LCLAT1: variants seen among roughly 807,000 people sequenced by gnomAD.
LCLAT1 encodes the protein lysocardiolipin acyltransferase 1, also known as 1-AGP acyltransferase 8.
LCLAT1 carries 11 observed loss-of-function variants against 30.7 expected under a neutral mutation model. The ratio of observed to expected loss-of-function variants is 0.36; its 90% CI spans 0.23 to 0.59. The LOEUF (loss-of-function observed/expected upper bound fraction) is 0.59. Among genes scored for constraint, LCLAT1 ranks in the 20% least tolerant of loss-of-function variants. LCLAT1 has a pLI of 0.77. For missense variants in LCLAT1, 402 were observed against 458.6 expected, an observed-to-expected ratio of 0.88 and a Z score of 1.13; for synonymous variants, 155 against 151.3, an observed-to-expected ratio of 1.02 and a Z score of -0.18.
intron 5 of LCLAT1, among the ~76,000 whole-genome samples, chr2:30,592,156 A>G (rs1189271333): frequency 6.6e-6 from 1 of 152,150 alleles, no homozygotes; most frequent in Non-Finnish European, 1.5e-5. Flanking sequence ...TCCAACATGC[A>G]CCTTTGAAAG....
chr2:30,572,112 A>T (rs1332925740), intron 5 of LCLAT1, among the ~76,000 whole-genome samples: 1 of 152,306 alleles, frequency 6.6e-6, no homozygotes, highest in East Asian at 1.9e-4. Flanking sequence ...TTCAAATGCC[A>T]TGGTATCGCT....
At chr2:30,506,568 A>G (rs779811763) in intron 1 of LCLAT1, among the ~76,000 whole-genome samples, 1 of 152,186 alleles carries the variant, frequency 6.6e-6, no homozygotes, top group Non-Finnish European at 1.5e-5. Context: ...GGAGAAAGAG[A>G]TAGTAATAGC....
intron 3 of LCLAT1, among the ~76,000 whole-genome samples, chr2:30,559,367 A>C (rs917735271): frequency 1.3e-5 from 2 of 152,206 alleles, no homozygotes; most frequent in Non-Finnish European, 2.9e-5. Context: ...TGTTTAAAAA[A>C]CACCAACTCA....
At chr2:30,582,405 A>G (rs75078072) in intron 5 of LCLAT1, among the ~76,000 whole-genome samples, 12,027 of 152,238 alleles carry the variant, frequency 0.079, 843 homozygotes, top group African/African-American at 0.19. Context: ...ATGAGGATAT[A>G]TAACTCCTCT....
At chr2:30,466,958 A>G (rs1475571821) in intron 1 of LCLAT1, among the ~76,000 whole-genome samples, 2 of 152,194 alleles carry the variant, frequency 1.3e-5, no homozygotes, top group African/African-American at 4.8e-5. Context: ...TTTAAATTAT[A>G]CTTTAAGTTC....
chr2:30,527,213 G>A (rs1410232929), intron 2 of LCLAT1, among the ~76,000 whole-genome samples: 1 of 152,092 alleles, frequency 6.6e-6, no homozygotes, highest in Admixed American at 6.6e-5. Context: ...CTGTTTTCAT[G>A]TCATTTATGT....
intron 5 of LCLAT1, among the ~76,000 whole-genome samples, chr2:30,595,727 T>TATCA (rs759529167): frequency 1.3e-5 from 2 of 152,182 alleles, no homozygotes; most frequent in African/African-American, 2.4e-5. Context: ...TTGCTGCACC[T>TATCA]ATCAACCCAT....
chr2:30,481,042 C>T (rs1558465703), intron 1 of LCLAT1, among the ~76,000 whole-genome samples: 1 of 152,094 alleles, frequency 6.6e-6, no homozygotes, highest in Non-Finnish European at 1.5e-5. Flanking sequence ...ATTAAGCTGA[C>T]ACCTAAAACC....
At chr2:30,458,179 T>C (rs1681928684) in intron 1 of LCLAT1, among the ~76,000 whole-genome samples, 1 of 152,230 alleles carries the variant, frequency 6.6e-6, no homozygotes, top group Middle Eastern at 3.2e-3. Context: ...TGCAGTGACC[T>C]TGCTGCTCTG....
intron 5 of LCLAT1, among the ~76,000 whole-genome samples, chr2:30,627,309 A>G (rs1192876385): frequency 6.6e-6 from 1 of 152,046 alleles, no homozygotes; most frequent in Non-Finnish European, 1.5e-5. Flanking sequence ...CCTAAGTCTC[A>G]TTATCCGCCT....
At chr2:30,463,563 T>C (rs1007341030) in intron 1 of LCLAT1, among the ~76,000 whole-genome samples, 4 of 152,366 alleles carry the variant, frequency 2.6e-5, no homozygotes, top group African/African-American at 9.6e-5. Flanking sequence ...GAAAAAGAAT[T>C]GCCTCTGCAC....
In LCLAT1 at chr2:30,525,640, GC is replaced by G. The variant is rs753870947; in HGVS notation, c.51del (p.Phe19LeufsTer7). ...TTTATACTGACTCTGTTTTGGGGAA[GC>G]TTTTTTGGAAGCATTTTCATGCTGA... ...IYFILTLFWG[S>X]FFGSIFMLSP... On this transcript the variant is annotated frameshift_variant, in exon 2 of 6. Coordinates refer to ENST00000379509, the MANE Select transcript of LCLAT1 (RefSeq NM_001002257.3). LOFTEE classifies it high-confidence loss of function. 1 of 1,614,052 alleles carries G rather than the reference GC, an allele frequency of 6.2e-7. No homozygotes were observed.
At chr2:30,537,166 G>C (rs1277389606) in intron 3 of LCLAT1, among the ~76,000 whole-genome samples, 2 of 152,150 alleles carry the variant, frequency 1.3e-5, no homozygotes, top group African/African-American at 2.4e-5. Context: ...TGGATCATGA[G>C]GTCAGGAGAT....
chr2:30,448,027 G>C (rs189469448), intron 1 of LCLAT1, among the ~76,000 whole-genome samples: 43 of 152,352 alleles, frequency 2.8e-4, no homozygotes, highest in Middle Eastern at 3.4e-3. Context: ...TTGAAGAAAA[G>C]AAGTTGAAAG....
intron 3 of LCLAT1, among the ~76,000 whole-genome samples, chr2:30,541,374 A>C (rs1001162658): frequency 6.6e-6 from 1 of 152,140 alleles, no homozygotes. Flanking sequence ...CCTGGGTAGC[A>C]GAGTGTGACC....
At chr2:30,561,998 G>A (rs1284610721) in intron 3 of LCLAT1, 148 bp from the exon 4 acceptor site, 1 of 452,844 alleles carries the variant, frequency 2.2e-6, no homozygotes, top group Admixed American at 4.0e-5. Flanking sequence ...TTTAACCCAA[G>A]ATCAGTGCTG....
intron 1 of LCLAT1, among the ~76,000 whole-genome samples, chr2:30,506,654 T>C (rs1322820310): frequency 6.6e-6 from 1 of 152,078 alleles, no homozygotes; most frequent in Non-Finnish European, 1.5e-5. Context: ...ACAAATACAG[T>C]TCTCATTGGG....
intron 1 of LCLAT1, among the ~76,000 whole-genome samples, chr2:30,479,110 G>T (rs1683196396): frequency 1.3e-5 from 2 of 152,126 alleles, no homozygotes; most frequent in Non-Finnish European, 2.9e-5. Flanking sequence ...GTGAAATACC[G>T]TACAGCAATG....
intron 5 of LCLAT1, among the ~76,000 whole-genome samples, chr2:30,584,183 T>C (rs1053552251): frequency 6.6e-6 from 1 of 152,216 alleles, no homozygotes; most frequent in Non-Finnish European, 1.5e-5. Flanking sequence ...AACTGGTCTT[T>C]TCTTTTTCTG....
Sources: allele counts gnomAD v4.1 joint callset (sites outside exome capture counted in the v4.1 genomes callset), GRCh38; gene constraint gnomAD v4.1.1; transcripts MANE v1.5; gene names NCBI Gene and HGNC (gene_info 2026-07-23, HGNC 2026-07-21).